Variants in CACNA2D1 observed in about 807,000 individuals in gnomAD.
CACNA2D1 encodes calcium voltage-gated channel auxiliary subunit alpha2delta 1.
Under a neutral mutation model 171.5 loss-of-function variants are expected in CACNA2D1, and 53 were observed. The observed-to-expected ratio is 0.31, with a 90% CI of 0.25 to 0.39. The LOEUF (loss-of-function observed/expected upper bound fraction) is 0.39, where lower values mean the gene tolerates loss of function less well. CACNA2D1 is among the 10% of genes least tolerant of loss of function. The pLI, the probability that CACNA2D1 is intolerant of heterozygous loss-of-function variation, is 1.00. For synonymous variants in CACNA2D1, 442 were observed against 443.1 expected, an observed-to-expected ratio of 1.00 and a Z score of 0.03; for missense variants, 903 against 1,299.8, an observed-to-expected ratio of 0.69 and a Z score of 4.69.
intron 4 of CACNA2D1, among the ~76,000 whole-genome samples, chr7:82,169,223 C>T (rs1369920595): frequency 6.6e-6 from 1 of 151,924 alleles, no homozygotes; most frequent in African/African-American, 2.4e-5. Context: ...ACAGTTTGCT[C>T]GATGCTCTAG....
At position 82,025,205 on chromosome 7, in the gene CACNA2D1, T is replaced by C. The variant is rs1465636531; in HGVS notation, c.1143+7592A>G. Among the ~76,000 whole-genome samples the C allele has an allele frequency of 2.0e-5, 3 of 151,638 alleles. No homozygotes were observed. In the South Asian group the frequency reaches 6.2e-4, roughly 31 times the overall value. On this transcript the variant is annotated intron_variant, in intron 12 of 38. Transcript: ENST00000356860. ...AATGCCATTGGGATTTTGATGGAGGTTGCAGTGAAACTGTAGATCACTTTG... is the reference window on the plus strand; with the variant it reads ...AATGCCATTGGGATTTTGATGGAGGCTGCAGTGAAACTGTAGATCACTTTG...
intron 4 of CACNA2D1, among the ~76,000 whole-genome samples, chr7:82,144,356 T>C (rs553913439): frequency 6.6e-6 from 1 of 152,226 alleles, no homozygotes; most frequent in African/African-American, 2.4e-5. Flanking sequence ...TTCAGTGTTC[T>C]AGAAATAACT....
At position 82,280,513 on chromosome 7, in the gene CACNA2D1, T is replaced by C. The variant is rs558767086; in HGVS notation, c.294+54622A>G. On this transcript the variant is annotated intron_variant, in intron 3 of 38. Coordinates refer to ENST00000356860, the MANE Select transcript of CACNA2D1 (RefSeq NM_000722.4). ...GGCCTGTCTTCCTACTCCCAAGCTG[T>C]AGTCCAGCTCTGGAAGAAGCTAATG... Among the ~76,000 whole-genome samples the C allele has an allele frequency of 6.6e-5, 10 of 152,314 alleles. No individual in the cohort carries two copies. In the East Asian group the frequency reaches 1.7e-3, roughly 26 times the overall value.
chr7:82,114,244 T>A (rs1377362527), intron 6 of CACNA2D1, among the ~76,000 whole-genome samples: 2 of 152,210 alleles, frequency 1.3e-5, no homozygotes, highest in Non-Finnish European at 2.9e-5. Context: ...ATTTCATATT[T>A]GTTCTAGCAT....
chr7:82,229,815 C>A (rs961503835), intron 3 of CACNA2D1, among the ~76,000 whole-genome samples: 6 of 152,040 alleles, frequency 3.9e-5, no homozygotes, highest in African/African-American at 1.4e-4. Context: ...CAGGCATGAG[C>A]CACCATGACC....
At chr7:82,120,313 G>T (rs544769469) in intron 5 of CACNA2D1, among the ~76,000 whole-genome samples, 14 of 152,012 alleles carry the variant, frequency 9.2e-5, no homozygotes, top group Non-Finnish European at 1.6e-4. Context: ...ATACATCCTG[G>T]TTTTTTGTAG....
At chr7:82,127,157 C>G (rs1254698122) in intron 5 of CACNA2D1, among the ~76,000 whole-genome samples, 1 of 152,256 alleles carries the variant, frequency 6.6e-6, no homozygotes, top group African/African-American at 2.4e-5. Context: ...TTTTAACTCT[C>G]CTCTTAGTCC....
intron 12 of CACNA2D1, among the ~76,000 whole-genome samples, chr7:82,031,353 T>A (rs1030155959): frequency 3.3e-5 from 5 of 151,970 alleles, no homozygotes; most frequent in Non-Finnish European, 2.9e-5. Flanking sequence ...TATTAGTTAA[T>A]GCATCTGGAT....
intron 21 of CACNA2D1, among the ~76,000 whole-genome samples, chr7:81,987,802 A>G (rs1797124255): frequency 2.0e-5 from 3 of 152,166 alleles, no homozygotes; most frequent in South Asian, 2.1e-4. Context: ...GTCAGAGAAC[A>G]GTGATATGTA....
intron 2 of CACNA2D1, among the ~76,000 whole-genome samples, chr7:82,337,359 T>C (rs1289889095): frequency 6.6e-6 from 1 of 152,132 alleles, no homozygotes; most frequent in Non-Finnish European, 1.5e-5. Flanking sequence ...AAGACTACAA[T>C]CATCTTTGTT....
intron 9 of CACNA2D1, among the ~76,000 whole-genome samples, chr7:82,062,799 G>A (rs114424149): frequency 1.5e-4 from 21 of 138,910 alleles, no homozygotes; most frequent in African/African-American, 5.6e-4. Context: ...TGGAGTGCAG[G>A]GTATGAACAC....
chr7:81,960,087 TGCAAAATAA>T (rs560271968), intron 36 of CACNA2D1, among the ~76,000 whole-genome samples: 98 of 152,212 alleles, frequency 6.4e-4, no homozygotes, highest in African/African-American at 2.2e-3. Context: ...TAATCCTCAT[TGCAAAATAA>T]GCACAATTTA....
intron 5 of CACNA2D1, 31 bp from the exon 6 acceptor site, chr7:82,117,204 C>T: frequency 2.5e-6 from 4 of 1,608,174 alleles, no homozygotes; most frequent in African/African-American, 2.7e-5. Flanking sequence ...CAGAATATTA[C>T]AATTTTTGCT....
intron 1 of CACNA2D1, among the ~76,000 whole-genome samples, chr7:82,412,524 C>A (rs995639107): frequency 6.6e-6 from 1 of 151,918 alleles, no homozygotes; most frequent in African/African-American, 2.4e-5. Flanking sequence ...CTCAAGTAAT[C>A]TGCCCGCCTC....
At chr7:82,137,706 C>T (rs1159112552) in intron 4 of CACNA2D1, among the ~76,000 whole-genome samples, 1 of 34,338 alleles carries the variant, frequency 2.9e-5, no homozygotes, top group East Asian at 7.7e-4. Context: ...TCCGTCTCTA[C>T]TAAAAAAAAA....
intron 1 of CACNA2D1, among the ~76,000 whole-genome samples, chr7:82,432,623 G>A (rs1383554240): frequency 1.3e-5 from 2 of 152,164 alleles, no homozygotes; most frequent in Non-Finnish European, 2.9e-5. Context: ...CTACAAGCGA[G>A]CCCTCGCCCA....
chr7:82,113,923 G>T (rs1404172525), intron 6 of CACNA2D1, among the ~76,000 whole-genome samples: 1 of 152,156 alleles, frequency 6.6e-6, no homozygotes, highest in East Asian at 1.9e-4. Context: ...CCAATATTAA[G>T]ATGAATGGGA....
At chr7:82,341,891 C>CA (rs33984896) in intron 2 of CACNA2D1, among the ~76,000 whole-genome samples, 187 of 147,406 alleles carry the variant, frequency 1.3e-3, no homozygotes, top group African/African-American at 2.4e-3. Flanking sequence ...ACTAAAAATA[C>CA]AAAAAAAAAA....
rs1311506248 is a variant in CACNA2D1, at chr7:81,948,445, T to TC, written c.*1946dup. On this transcript the variant is annotated 3_prime_UTR_variant, in exon 39 of 39. Coordinates refer to ENST00000356860, the MANE Select transcript of CACNA2D1 (RefSeq NM_000722.4). The stretch of plus-strand genomic sequence containing the variant: ...CAATAGTTGGCAAAGTGATTCCATT[T>TC]CCCCCCACCTTTTTATTGAAAAAAA... 6.7e-6 allele frequency: 1 copy of TC among 148,972 alleles called. No homozygotes were observed. The highest frequency in any genetic ancestry group is 2.4e-5 in the African/African-American group (1 of 40,930). The allele number at this position is 148,972 out of a possible 1,614,324, so 9.2% of individuals were successfully genotyped here. A position where few individuals can be genotyped will look rare whatever the true frequency, so the allele number is the denominator to read the frequency against.
Sources: allele counts gnomAD v4.1 joint callset (sites outside exome capture counted in the v4.1 genomes callset), GRCh38; gene constraint gnomAD v4.1.1; transcripts MANE v1.5; gene names NCBI Gene and HGNC (gene_info 2026-07-23, HGNC 2026-07-21).